The following CDC73 variants were observed in gnomAD, a reference collection of about 807,000 sequenced individuals.
The protein encoded by CDC73 is parafibromin.
A neutral mutation model predicts 83.7 loss-of-function variants in CDC73; 21 were observed. The observed-to-expected ratio is 0.25, with a 90% CI of 0.18 to 0.36. The LOEUF (loss-of-function observed/expected upper bound fraction) is 0.36, where lower values mean the gene tolerates loss of function less well. Among genes scored for constraint, CDC73 ranks in the 10% least tolerant of loss-of-function variants. The probability of loss-of-function intolerance (pLI) is 1.00; values close to 1 mark genes in which losing one functional copy is unlikely to be tolerated. For synonymous variants in CDC73, 224 were observed against 212.9 expected (o/e 1.05, Z -0.45); for missense variants, 342 against 653.3 (o/e 0.52, Z 5.19).
intron 10 of CDC73, among the ~76,000 whole-genome samples, chr1:193,162,368 G>A (rs940467107): frequency 3.7e-5 from 5 of 134,028 alleles, no homozygotes; most frequent in African/African-American, 1.1e-4. Context: ...TATATATAGT[G>A]TATATATATA....
intron 10 of CDC73, chr1:193,181,827 A>G (rs1676722519): frequency 1.3e-5 from 5 of 389,560 alleles, no homozygotes; most frequent in East Asian, 7.7e-5. Context: ...TGGCAACATA[A>G]CATCACTGAG....
chr1:193,157,208 A>G (rs1676222739), intron 10 of CDC73, among the ~76,000 whole-genome samples: 1 of 152,092 alleles, frequency 6.6e-6, no homozygotes, highest in South Asian at 2.1e-4. Flanking sequence ...TTGAAAGAAG[A>G]CTGGTTATTG....
At chr1:193,160,280 C>T (rs1008606938) in intron 10 of CDC73, among the ~76,000 whole-genome samples, 6 of 151,888 alleles carry the variant, frequency 4.0e-5, no homozygotes, top group Admixed American at 6.6e-5. Context: ...ATTGTTGCCA[C>T]GTATATCAGA....
At chr1:193,241,827 C>T (rs1347373835) in intron 15 of CDC73, among the ~76,000 whole-genome samples, 1 of 152,202 alleles carries the variant, frequency 6.6e-6, no homozygotes, top group Admixed American at 6.5e-5. Flanking sequence ...CCAAGTTGGC[C>T]TGTCCTCAGG....
At position 193,123,161 on chromosome 1, in the gene CDC73, G is replaced by GT. The variant is rs565060521; in HGVS notation, c.131+833dup. Among the ~76,000 whole-genome samples, 827 of 152,158 alleles carry GT rather than the reference G, an allele frequency of 5.4e-3. 12 individuals are homozygous for GT. Among genetic ancestry groups the GT allele is most frequent in the African/African-American group, 0.019 (792 of 41,480 alleles). On this transcript the variant is annotated intron_variant, in intron 1 of 16. Coordinates refer to ENST00000367435, the MANE Select transcript of CDC73 (RefSeq NM_024529.5). ...GAGCTACAACTTCCCTACTCATTTTGTTTCTTTGAATGGAAGCTTTATGAA... is the reference window on the plus strand; with the variant it reads ...GAGCTACAACTTCCCTACTCATTTTGTTTTCTTTGAATGGAAGCTTTATGAA...
At chr1:193,224,314 T>G (rs1442846665) in intron 13 of CDC73, among the ~76,000 whole-genome samples, 2 of 150,500 alleles carry the variant, frequency 1.3e-5, no homozygotes, top group Non-Finnish European at 3.0e-5. Context: ...AATTTGTTAG[T>G]GTTTACTCAA....
At chr1:193,222,327 T>C (rs2102047852) in intron 13 of CDC73, among the ~76,000 whole-genome samples, 1 of 152,192 alleles carries the variant, frequency 6.6e-6, no homozygotes, top group East Asian at 1.9e-4. Flanking sequence ...AGCACATGTA[T>C]GTGAGAAAAC....
At chr1:193,190,035 T>G (rs546013290) in intron 10 of CDC73, among the ~76,000 whole-genome samples, 1 of 152,228 alleles carries the variant, frequency 6.6e-6, no homozygotes, top group East Asian at 1.9e-4. Context: ...GAATCTGGTC[T>G]TCTTATATTG....
At chr1:193,170,297 T>C (rs553956986) in intron 10 of CDC73, among the ~76,000 whole-genome samples, 1 of 152,352 alleles carries the variant, frequency 6.6e-6, no homozygotes, top group Non-Finnish European at 1.5e-5. Context: ...TTATATTCCT[T>C]TGAGTATATA....
intron 11 of CDC73, among the ~76,000 whole-genome samples, chr1:193,207,751 A>G (rs1367341039): frequency 1.3e-5 from 2 of 152,102 alleles, no homozygotes; most frequent in Admixed American, 1.3e-4. Context: ...ATATTGTTCA[A>G]ACACACATGT....
At chr1:193,147,797 C>T in intron 7 of CDC73, 70 bp from the exon 8 acceptor site, 3 of 866,618 alleles carry the variant, frequency 3.5e-6, no homozygotes, top group Non-Finnish European at 3.8e-6. Context: ...ATAACTTAGT[C>T]TTAAATTATC....
At chr1:193,193,926 T>A in intron 10 of CDC73, among the ~76,000 whole-genome samples, 1 of 152,086 alleles carries the variant, frequency 6.6e-6, no homozygotes, top group East Asian at 1.9e-4. Context: ...ACTAAATGTT[T>A]TCTTTTAAAG....
At position 193,250,836 on chromosome 1, in the gene CDC73, A is replaced by G; in HGVS notation, c.*124A>G. On this transcript the variant is annotated 3_prime_UTR_variant, in exon 17 of 17. Coordinates refer to ENST00000367435, the MANE Select transcript of CDC73 (RefSeq NM_024529.5). Reference sequence around the variant, plus strand: ...ACCTTATTTGATGCTTTGTGCTTCAAGGAGATGATACCTGTCATCCATATA... The same window carrying G: ...ACCTTATTTGATGCTTTGTGCTTCAGGGAGATGATACCTGTCATCCATATA... 1.1e-6 allele frequency: 1 copy of G among 879,286 alleles called. No homozygotes were observed. The highest frequency in any genetic ancestry group is 1.4e-5 in the South Asian group (1 of 69,076). The allele number at this position is 879,286 out of a possible 1,614,324, so 54.5% of individuals were successfully genotyped here. A position where few individuals can be genotyped will look rare whatever the true frequency, so the allele number is the denominator to read the frequency against.
At chr1:193,207,083 AAG>A in intron 11 of CDC73, among the ~76,000 whole-genome samples, 1 of 152,292 alleles carries the variant, frequency 6.6e-6, no homozygotes, top group East Asian at 1.9e-4. Context: ...AAAGAGTACA[AAG>A]AGAGGAATTT....
chr1:193,200,433 G>A (rs1170125589), intron 10 of CDC73, among the ~76,000 whole-genome samples: 1 of 152,168 alleles, frequency 6.6e-6, no homozygotes, highest in African/African-American at 2.4e-5. Context: ...TGAAAGCAAG[G>A]ATTGCTTGTA....
intron 10 of CDC73, among the ~76,000 whole-genome samples, chr1:193,160,760 C>T (rs1397694002): frequency 6.6e-6 from 1 of 151,398 alleles, no homozygotes; most frequent in Non-Finnish European, 1.5e-5. Flanking sequence ...TCTTTAATGT[C>T]CCTTTTAACT....
chr1:193,147,509 A>C (rs1423278570), intron 7 of CDC73, among the ~76,000 whole-genome samples: 1 of 151,862 alleles, frequency 6.6e-6, no homozygotes, highest in Admixed American at 6.6e-5. Flanking sequence ...CTGGGACTAC[A>C]GGCACCTGCC....
At chr1:193,224,548 A>G (rs182577949) in intron 13 of CDC73, among the ~76,000 whole-genome samples, 11 of 152,180 alleles carry the variant, frequency 7.2e-5, no homozygotes, top group Admixed American at 7.2e-4. Flanking sequence ...TCACATATAC[A>G]CATGTGAAAT....
intron 10 of CDC73, among the ~76,000 whole-genome samples, chr1:193,173,102 CTA>C (rs1221011465): frequency 1.3e-5 from 2 of 152,172 alleles, no homozygotes; most frequent in African/African-American, 4.8e-5. Context: ...CAACATAAGC[CTA>C]GAGAAAGGAG....
Sources: gnomAD v4.1 joint callset for allele counts (sites outside exome capture counted in the v4.1 genomes callset) on GRCh38, gnomAD v4.1.1 for gene constraint, MANE v1.5 for transcripts, NCBI Gene and HGNC (gene_info 2026-07-23, HGNC 2026-07-21) for gene names.